Variants in RALGPS1 observed in about 807,000 individuals in gnomAD.
RALGPS1 encodes the protein ras-specific guanine nucleotide-releasing factor RalGPS1.
A neutral mutation model predicts 78.8 loss-of-function variants in RALGPS1; 19 were observed. The observed-to-expected ratio is 0.24, with a 90% confidence interval of 0.17 to 0.35. The LOEUF is 0.35. Among genes scored for constraint, RALGPS1 ranks in the 10% least tolerant of loss-of-function variants. The pLI, the probability that RALGPS1 is intolerant of heterozygous loss-of-function variation, is 1.00. For missense variants in RALGPS1, 454 were observed against 688.3 expected, an observed-to-expected ratio of 0.66 and a Z score of 3.81; for synonymous variants, 228 against 256.3, an observed-to-expected ratio of 0.89 and a Z score of 1.06.
At chr9:127,215,658 C>T (rs1486887468) in intron 18 of RALGPS1, among the ~76,000 whole-genome samples, 1 of 152,170 alleles carries the variant, frequency 6.6e-6, no homozygotes, top group Non-Finnish European at 1.5e-5. Flanking sequence ...GCCTCCACTT[C>T]CCTGGTAACC....
intron 4 of RALGPS1, among the ~76,000 whole-genome samples, chr9:126,985,866 T>C (rs964709009): frequency 2.6e-5 from 4 of 152,156 alleles, no homozygotes; most frequent in South Asian, 2.1e-4. Flanking sequence ...ATAATAAATA[T>C]TTGTTGAATG....
At chr9:127,095,694 G>A (rs749938087) in intron 8 of RALGPS1, among the ~76,000 whole-genome samples, 6 of 152,292 alleles carry the variant, frequency 3.9e-5, no homozygotes, top group Non-Finnish European at 8.8e-5. Context: ...ATCAGTGACA[G>A]GTATACTCAG....
chr9:127,028,434 A>T (rs924107748), intron 4 of RALGPS1, among the ~76,000 whole-genome samples: 6 of 152,274 alleles, frequency 3.9e-5, no homozygotes, highest in Non-Finnish European at 8.8e-5. Flanking sequence ...TTCTGTGAGG[A>T]TAAAATGAGA....
rs147741258 is a variant in RALGPS1 at position 127,032,301 on chromosome 9, G to C, written c.217-2130G>C. 3.0e-4 allele frequency among the ~76,000 whole-genome samples: 45 copies of C among 152,308 alleles called. No homozygotes were observed. The East Asian group carries it at 5.0e-3, about 17-fold the overall frequency. ...CCACACTGCTCCCTTTCTGGGTATT[G>C]TCTGAAGTTATTACGGTGTGGAAAT... is the stretch of plus-strand genomic sequence containing the variant. On this transcript the variant is annotated intron_variant, in intron 4 of 18. Transcript: ENST00000259351.
chr9:127,211,673 G>T lies in RALGPS1; in HGVS notation c.1248-458G>T, dbSNP rs374818389. On this transcript the variant is annotated intron_variant, in intron 14 of 18. Transcript: ENST00000259351. The surrounding 1 kb of genome is among the most constrained non-coding windows in gnomAD (Gnocchi z 5.0). ...TGTGGGGAATGGTGCGTGTGGGCTC[G>T]CGTCCCTCCTGTCCCTCCACACCAC... Among the ~76,000 whole-genome samples the T allele has an allele frequency of 2.0e-5, 3 of 152,048 alleles. 1 individual carries two copies. The highest frequency in any genetic ancestry group is 4.1e-4 in the South Asian group (2 of 4,828).
chr9:127,053,795 C>G (rs939415373), intron 7 of RALGPS1, among the ~76,000 whole-genome samples: 1 of 152,088 alleles, frequency 6.6e-6, no homozygotes, highest in African/African-American at 2.4e-5. Context: ...TGTAGGTGAT[C>G]GAAAATGAGC....
intron 3 of RALGPS1, among the ~76,000 whole-genome samples, chr9:126,974,197 A>G (rs986055894): frequency 6.6e-5 from 10 of 152,320 alleles, no homozygotes; most frequent in Middle Eastern, 3.4e-3. Flanking sequence ...TTTAAAAATG[A>G]AAAGTTAAAA....
chr9:127,075,442 C>T (rs1411022603), intron 8 of RALGPS1, among the ~76,000 whole-genome samples: 1 of 152,212 alleles, frequency 6.6e-6, no homozygotes, highest in Non-Finnish European at 1.5e-5. Flanking sequence ...GGAGTTCCAC[C>T]TGCATGCATG....
At chr9:126,991,765 G>A (rs928305972) in intron 4 of RALGPS1, among the ~76,000 whole-genome samples, 4 of 152,184 alleles carry the variant, frequency 2.6e-5, no homozygotes, top group African/African-American at 9.7e-5. Context: ...GTGTTATGAT[G>A]GTTAAGAAGA....
chr9:127,056,902 A>G (rs1430705711), intron 7 of RALGPS1, among the ~76,000 whole-genome samples: 2 of 152,198 alleles, frequency 1.3e-5, no homozygotes, highest in African/African-American at 4.8e-5. Flanking sequence ...CTCTCTGCTC[A>G]CTTGTCCTTT....
chr9:127,097,677 A>G (rs2053285561), intron 8 of RALGPS1, among the ~76,000 whole-genome samples: 1 of 152,268 alleles, frequency 6.6e-6, no homozygotes, highest in African/African-American at 2.4e-5. Context: ...GAAATCCACA[A>G]CTGTAACATA....
chr9:127,185,317 G>A (rs756779912), intron 11 of RALGPS1, among the ~76,000 whole-genome samples: 5 of 152,182 alleles, frequency 3.3e-5, no homozygotes, highest in Non-Finnish European at 5.9e-5. Context: ...CTGTCAACCC[G>A]AGTCTGTGCA....
At chr9:127,030,074 T>G (rs1185915226) in intron 4 of RALGPS1, among the ~76,000 whole-genome samples, 1 of 152,234 alleles carries the variant, frequency 6.6e-6, no homozygotes, top group African/African-American at 2.4e-5. Flanking sequence ...AAATGAATTT[T>G]TTGTTGTTAA....
At chr9:127,213,086 C>G in intron 17 of RALGPS1, 37 bp downstream of exon 17, 2 of 1,613,456 alleles carry the variant, frequency 1.2e-6, no homozygotes, top group Non-Finnish European at 8.5e-7. Context: ...TGCAGCTGCT[C>G]TCTGCCCATT....
At chr9:127,171,274 A>T (rs1219506042) in intron 10 of RALGPS1, among the ~76,000 whole-genome samples, 2 of 152,200 alleles carry the variant, frequency 1.3e-5, no homozygotes, top group Admixed American at 1.3e-4. Context: ...GGATAGATGG[A>T]TGGATAGAAG....
chr9:126,969,314 A>G (rs1246239532), intron 3 of RALGPS1, among the ~76,000 whole-genome samples: 3 of 152,236 alleles, frequency 2.0e-5, no homozygotes, highest in Admixed American at 2.0e-4. Flanking sequence ...ATTACACCAC[A>G]GTGCAGTGCC....
At chr9:127,019,247 T>A (rs1409515007) in intron 4 of RALGPS1, among the ~76,000 whole-genome samples, 1 of 152,214 alleles carries the variant, frequency 6.6e-6, no homozygotes, top group Non-Finnish European at 1.5e-5. Context: ...GATAAGAAAC[T>A]TAGATGAGAA....
intron 8 of RALGPS1, among the ~76,000 whole-genome samples, chr9:127,078,092 G>A (rs932068390): frequency 6.6e-6 from 1 of 151,804 alleles, no homozygotes; most frequent in Non-Finnish European, 1.5e-5. Context: ...ACCCTCTCTG[G>A]GATCCAGCAA....
intron 8 of RALGPS1, among the ~76,000 whole-genome samples, chr9:127,155,919 A>T (rs2058685982): frequency 6.6e-6 from 1 of 152,078 alleles, no homozygotes; most frequent in Non-Finnish European, 1.5e-5. Flanking sequence ...TTTACTTCTA[A>T]AACTGTAGTA....
Sources: allele counts gnomAD v4.1 joint callset (sites outside exome capture counted in the v4.1 genomes callset), GRCh38; gene constraint gnomAD v4.1.1; non-coding constraint Gnocchi (gnomAD v3.1); transcripts MANE v1.5; gene names NCBI Gene and HGNC (gene_info 2026-07-23, HGNC 2026-07-21).